Variants in STXBP5L observed in about 807,000 individuals in gnomAD.
STXBP5L encodes syntaxin binding protein 5L, also known as syntaxin-binding protein 5-like.
A neutral mutation model predicts 144.5 loss-of-function variants in STXBP5L; 65 were observed. The observed-to-expected ratio is 0.45, with a 90% CI of 0.37 to 0.55. STXBP5L has a LOEUF of 0.55. STXBP5L is among the 20% of genes least tolerant of loss of function. The probability of loss-of-function intolerance (pLI) is 0.00; values close to 1 mark genes in which losing one functional copy is unlikely to be tolerated. For missense variants in STXBP5L, 1,298 were observed against 1,405.5 expected (o/e 0.92, Z 1.22); for synonymous variants, 505 against 469.6 (o/e 1.08, Z -0.97).
At chr3:120,975,839 A>G (rs902739993) in intron 3 of STXBP5L, among the ~76,000 whole-genome samples, 2 of 152,064 alleles carry the variant, frequency 1.3e-5, no homozygotes, top group African/African-American at 4.8e-5. Flanking sequence ...TATATGCTGG[A>G]TTACATTTAT....
chr3:121,266,956 A>G (rs928472516), intron 18 of STXBP5L, among the ~76,000 whole-genome samples: 1 of 152,196 alleles, frequency 6.6e-6, no homozygotes. Flanking sequence ...GCCCAAGGAA[A>G]TAAGAGAGGA....
At chr3:121,312,692 T>C (rs2043585392) in intron 19 of STXBP5L, among the ~76,000 whole-genome samples, 1 of 151,228 alleles carries the variant, frequency 6.6e-6, no homozygotes, top group African/African-American at 2.4e-5. Flanking sequence ...CAAGCATCTG[T>C]TTAACAAAGC....
chr3:121,220,604 AAC>A, intron 10 of STXBP5L, among the ~76,000 whole-genome samples: 1 of 152,150 alleles, frequency 6.6e-6, no homozygotes, highest in East Asian at 1.9e-4. Context: ...CAGAATTTTT[AAC>A]ATATGCTATG....
At chr3:121,039,239 G>A (rs369149565) in intron 3 of STXBP5L, among the ~76,000 whole-genome samples, 2 of 151,524 alleles carry the variant, frequency 1.3e-5, no homozygotes, top group South Asian at 2.1e-4. Context: ...TGTCTCCTTC[G>A]TTGGCTAATT....
At chr3:121,057,390 T>G (rs947611755) in intron 5 of STXBP5L, among the ~76,000 whole-genome samples, 5 of 152,056 alleles carry the variant, frequency 3.3e-5, no homozygotes, top group African/African-American at 1.2e-4. Flanking sequence ...TGTTTAAATC[T>G]TAAGTGTACA....
At chr3:121,417,824 T>C (rs1380728208) in intron 25 of STXBP5L, among the ~76,000 whole-genome samples, 2 of 152,316 alleles carry the variant, frequency 1.3e-5, no homozygotes, top group African/African-American at 2.4e-5. Context: ...TATAAATCAA[T>C]TTTTTAACAC....
intron 2 of STXBP5L, among the ~76,000 whole-genome samples, chr3:120,925,635 A>G (rs900149796): frequency 2.6e-5 from 4 of 152,206 alleles, no homozygotes; most frequent in Non-Finnish European, 5.9e-5. Flanking sequence ...GTCCATTTAC[A>G]TTCAAGATAA....
intron 3 of STXBP5L, among the ~76,000 whole-genome samples, chr3:120,975,577 T>C (rs1490578538): frequency 1.3e-5 from 2 of 152,138 alleles, no homozygotes; most frequent in Admixed American, 6.5e-5. Context: ...CTTCCAACGC[T>C]ATGTTGAATA....
At chr3:121,314,531 C>T in intron 19 of STXBP5L, among the ~76,000 whole-genome samples, 1 of 144,980 alleles carries the variant, frequency 6.9e-6, no homozygotes, top group Admixed American at 6.9e-5. Context: ...TTGCAGTGAG[C>T]CGAGATGGCA....
chr3:121,239,842 A>C (rs2049610025), intron 13 of STXBP5L, among the ~76,000 whole-genome samples: 1 of 151,924 alleles, frequency 6.6e-6, no homozygotes, highest in East Asian at 1.9e-4. Context: ...CATGTACCCT[A>C]AAACTTAAAG....
At chr3:121,320,695 A>C (rs1428866790) in intron 20 of STXBP5L, among the ~76,000 whole-genome samples, 1 of 148,310 alleles carries the variant, frequency 6.7e-6, no homozygotes, top group Non-Finnish European at 1.5e-5. Context: ...ACGCACAACG[A>C]CCACACTTTT....
At chr3:121,034,936 T>C (rs1217239046) in intron 3 of STXBP5L, among the ~76,000 whole-genome samples, 10 of 152,284 alleles carry the variant, frequency 6.6e-5, no homozygotes, top group Middle Eastern at 6.8e-3. Context: ...GATATCTCAT[T>C]GTGGTTTTAA....
At chr3:120,996,350 A>G (rs1012622555) in intron 3 of STXBP5L, among the ~76,000 whole-genome samples, 36 of 152,010 alleles carry the variant, frequency 2.4e-4, no homozygotes, top group African/African-American at 8.7e-4. Flanking sequence ...TTAAATTAAT[A>G]TAATGTATAT....
chr3:121,383,381 A>C (rs1178059198), intron 22 of STXBP5L, among the ~76,000 whole-genome samples: 1 of 152,072 alleles, frequency 6.6e-6, no homozygotes, highest in Non-Finnish European at 1.5e-5. Flanking sequence ...TGGGTGACAG[A>C]GTGAGACTCC....
intron 20 of STXBP5L, among the ~76,000 whole-genome samples, chr3:121,347,859 T>G (rs1403154279): frequency 2.6e-5 from 4 of 152,316 alleles, no homozygotes; most frequent in Middle Eastern, 6.8e-3. Flanking sequence ...GATTTTGGGT[T>G]GAGACGATGG....
At chr3:121,233,217 A>G (rs2049363188) in intron 11 of STXBP5L, among the ~76,000 whole-genome samples, 2 of 152,218 alleles carry the variant, frequency 1.3e-5, no homozygotes, top group Admixed American at 6.5e-5. Flanking sequence ...GTCATATCCC[A>G]GAGAAGCAGA....
intron 3 of STXBP5L, among the ~76,000 whole-genome samples, chr3:121,005,657 T>C (rs1944227106): frequency 6.6e-6 from 1 of 152,244 alleles, no homozygotes; most frequent in Non-Finnish European, 1.5e-5. Flanking sequence ...GTGTCAATTT[T>C]GGATCTTTCC....
chr3:121,247,249 A>C (rs1047232495), intron 14 of STXBP5L, among the ~76,000 whole-genome samples: 1 of 152,202 alleles, frequency 6.6e-6, no homozygotes, highest in East Asian at 1.9e-4. Context: ...ACTTTATTGG[A>C]GCTTTAGGGT....
chr3:121,045,325 A>G, intron 4 of STXBP5L, 110 bp from the exon 5 acceptor site: 7 of 935,358 alleles, frequency 7.5e-6, no homozygotes, highest in African/African-American at 1.7e-5. Context: ...TTCTGAGATA[A>G]CAAAAGTAAC....
Sources: gnomAD v4.1 joint callset for allele counts (sites outside exome capture counted in the v4.1 genomes callset) on GRCh38, gnomAD v4.1.1 for gene constraint, MANE v1.5 for transcripts, NCBI Gene and HGNC (gene_info 2026-07-23, HGNC 2026-07-21) for gene names.